Variants in PLXNA2 observed in about 807,000 individuals in gnomAD.
PLXNA2 encodes plexin A2.
PLXNA2 carries 91 observed loss-of-function variants against 193.5 expected under a neutral mutation model. That is an observed-to-expected ratio of 0.47 (90% CI 0.40 to 0.56). The LOEUF (loss-of-function observed/expected upper bound fraction) is 0.56, where lower values mean the gene tolerates loss of function less well. Among genes scored for constraint, PLXNA2 ranks in the 20% least tolerant of loss-of-function variants. PLXNA2 has a pLI of 0.00. For synonymous variants in PLXNA2, 997 were observed against 1,027.3 expected (o/e 0.97, Z 0.56); for missense variants, 1,995 against 2,503.2 (o/e 0.80, Z 4.33).
chr1:208,156,536 C>T (rs1346912241), intron 3 of PLXNA2, among the ~76,000 whole-genome samples: 1 of 152,162 alleles, frequency 6.6e-6, no homozygotes, highest in South Asian at 2.1e-4. Context: ...CTGCCTTAGG[C>T]CACACAGCCA....
chr1:208,191,844 G>A (rs1283081467), intron 3 of PLXNA2, among the ~76,000 whole-genome samples: 2 of 152,152 alleles, frequency 1.3e-5, no homozygotes, highest in Admixed American at 6.5e-5. Context: ...AAGATGAGGA[G>A]GTGTTAGCTG....
chr1:208,031,713 C>T lies in PLXNA2; in HGVS notation c.5102G>A (p.Ser1701Asn), dbSNP rs1664509666. 6.2e-7 allele frequency: 1 copy of T among 1,612,936 alleles called. No homozygotes were observed. Among genetic ancestry groups the T allele is most frequent in the South Asian group, 1.1e-5 (1 of 90,968 alleles). ...GAGAGCGCTGCCCCGGTGCACAGTG[C>T]TGAACAAGGTCTCAAACAAGTCGTC... ...FVDDLFETLFSTVHRGSALPL... is the reference protein window; with the variant it reads ...FVDDLFETLFNTVHRGSALPL... The change falls in exon 29 of 32, where the codon AGC becomes AAC. Residue 1701 changes from serine to asparagine, a missense_variant. Ser to Asn is a conservative substitution (Grantham distance 46). This residue lies in a region of PLXNA2 where 1,291 missense variants were observed against 1,673.6 expected (regional missense o/e 0.77). Coordinates refer to ENST00000367033, the MANE Select transcript of PLXNA2 (RefSeq NM_025179.4).
intron 3 of PLXNA2, among the ~76,000 whole-genome samples, chr1:208,177,387 A>C (rs1669690426): frequency 6.6e-6 from 1 of 152,128 alleles, no homozygotes; most frequent in Non-Finnish European, 1.5e-5. Context: ...TGTAACCTTC[A>C]AATCTCTGTG....
intron 4 of PLXNA2, among the ~76,000 whole-genome samples, chr1:208,124,510 C>T (rs1334348220): frequency 6.6e-6 from 1 of 151,976 alleles, no homozygotes; most frequent in Non-Finnish European, 1.5e-5. Flanking sequence ...GAAACCCTAT[C>T]TCTACTAAAA....
intron 2 of PLXNA2, among the ~76,000 whole-genome samples, chr1:208,214,070 A>G (rs568478091): frequency 1.3e-5 from 2 of 151,830 alleles, no homozygotes; most frequent in South Asian, 4.2e-4. Flanking sequence ...GGAGGGTTAC[A>G]TTTCCTCTCC....
intron 9 of PLXNA2, among the ~76,000 whole-genome samples, chr1:208,089,366 TGTAGAAA>T (rs1666637224): frequency 2.6e-5 from 4 of 152,260 alleles, no homozygotes; most frequent in Non-Finnish European, 5.9e-5. Context: ...CCTGATTTTC[TGTAGAAA>T]ACATACTGTA....
intron 4 of PLXNA2, among the ~76,000 whole-genome samples, chr1:208,127,129 G>C (rs1667996910): frequency 1.3e-5 from 2 of 152,200 alleles, no homozygotes; most frequent in Admixed American, 6.5e-5. Flanking sequence ...GAGGCATAAG[G>C]CTTGCCAATT....
intron 9 of PLXNA2, among the ~76,000 whole-genome samples, chr1:208,091,174 T>C (rs748872489): frequency 2.0e-5 from 3 of 152,184 alleles, no homozygotes; most frequent in Non-Finnish European, 4.4e-5. Flanking sequence ...CGTAGATGGG[T>C]CTGTTTGAAA....
chr1:208,068,990 G>T (rs1432116227), intron 12 of PLXNA2, among the ~76,000 whole-genome samples: 1 of 152,174 alleles, frequency 6.6e-6, no homozygotes, highest in African/African-American at 2.4e-5. Flanking sequence ...AGGAAAACAA[G>T]GGAAACACTT....
intron 3 of PLXNA2, among the ~76,000 whole-genome samples, chr1:208,166,178 A>G (rs2102522576): frequency 6.6e-6 from 1 of 152,346 alleles, no homozygotes; most frequent in Non-Finnish European, 1.5e-5. Flanking sequence ...AAAAGGGAAA[A>G]AAATCTCGAT....
At position 208,204,973 on chromosome 1, in the gene PLXNA2, C is replaced by T. The variant is rs117873714; in HGVS notation, c.1371+5307G>A. On this transcript the variant is annotated intron_variant, in intron 3 of 31. Coordinates refer to ENST00000367033, the MANE Select transcript of PLXNA2 (RefSeq NM_025179.4). ...CTGGGACTAAGAGGCTAGAGAGCCT[C>T]GGCAAAACACTACCCCCCAGCTTCT... 3.0e-3 allele frequency among the ~76,000 whole-genome samples: 453 copies of T among 152,248 alleles called. 1 individual carries two copies. Among genetic ancestry groups the T allele is most frequent in the East Asian group, 0.018 (93 of 5,172 alleles).
intron 3 of PLXNA2, among the ~76,000 whole-genome samples, chr1:208,153,226 T>G (rs1020834344): frequency 6.6e-6 from 1 of 152,202 alleles, no homozygotes; most frequent in Non-Finnish European, 1.5e-5. Context: ...AAAGGCTTTA[T>G]GCACATTTTC....
chr1:208,101,436 A>G (rs912720481), intron 5 of PLXNA2, among the ~76,000 whole-genome samples: 1 of 152,196 alleles, frequency 6.6e-6, no homozygotes, highest in Non-Finnish European at 1.5e-5. Context: ...CTCTGGGTAT[A>G]AACAGCAAAA....
At position 208,082,571 on chromosome 1, in the gene PLXNA2, C is replaced by A; in HGVS notation, c.2299-63G>T. 1.8e-6 allele frequency: 2 copies of A among 1,104,238 alleles called. No homozygotes were observed. Among genetic ancestry groups the A allele is most frequent in the African/African-American group, 1.5e-5 (1 of 65,024 alleles). 68.4% of individuals were successfully genotyped at this position (1,104,238 alleles called of 1,614,324 possible). ...CTCTCTATCACAGGGGTCAGGGATG[C>A]AGACAAACCCTGCATGCTGCTCAGA... On this transcript the variant is annotated intron_variant, in intron 10 of 31. Coordinates refer to ENST00000367033, the MANE Select transcript of PLXNA2 (RefSeq NM_025179.4). The surrounding 1 kb of genome is among the most constrained non-coding windows in gnomAD (Gnocchi z 4.2).
chr1:208,088,203 T>A (rs1159458348), intron 9 of PLXNA2, among the ~76,000 whole-genome samples: 2 of 152,134 alleles, frequency 1.3e-5, no homozygotes, highest in African/African-American at 2.4e-5. Flanking sequence ...GGCGGTAGGC[T>A]GGGGAAGAGG....
At chr1:208,216,686 G>T in intron 2 of PLXNA2, 49 bp downstream of exon 2, 1 of 1,566,800 alleles carries the variant, frequency 6.4e-7, no homozygotes, top group Non-Finnish European at 8.6e-7. Flanking sequence ...CAGGAAGGTT[G>T]GAACCTGTGT....
chr1:208,034,096 G>A (rs1418049810), intron 27 of PLXNA2, among the ~76,000 whole-genome samples: 1 of 152,212 alleles, frequency 6.6e-6, no homozygotes, highest in Non-Finnish European at 1.5e-5. Flanking sequence ...AGTACTCCTC[G>A]GACTAATTTA....
Position 208,028,805 on chromosome 1 carries a change from G to T in PLXNA2, c.5438+25C>A. 6.2e-7 allele frequency: 1 copy of T among 1,600,698 alleles called. No homozygotes were observed. The highest frequency in any genetic ancestry group is 8.6e-7 in the Non-Finnish European group (1 of 1,169,438). On this transcript the variant is annotated intron_variant, in intron 30 of 31. Transcript: ENST00000367033. The surrounding 1 kb of genome is among the most constrained non-coding windows in gnomAD (Gnocchi z 4.2). ...GAATGGGCAGGGAGACAAGGGCATG[G>T]GCCTGTCCTGAGGGTGCTACTGACC...
At chr1:208,239,622 A>G (rs576339059) in intron 1 of PLXNA2, among the ~76,000 whole-genome samples, 1 of 152,304 alleles carries the variant, frequency 6.6e-6, no homozygotes, top group Admixed American at 6.5e-5. Flanking sequence ...CACAAGCCAG[A>G]TCCACAGTGA....
Sources: gnomAD v4.1 joint callset for allele counts (sites outside exome capture counted in the v4.1 genomes callset) on GRCh38, gnomAD v4.1.1 for gene constraint, gnomAD v4.1.1 regional missense constraint, Gnocchi (gnomAD v3.1) non-coding constraint, MANE v1.5 for transcripts, NCBI Gene and HGNC (gene_info 2026-07-23, HGNC 2026-07-21) for gene names.